Variants in SANBR observed in about 807,000 individuals in gnomAD.
SANBR encodes the protein SANT and BTB domain regulator of CSR.
A neutral mutation model predicts 101.8 loss-of-function variants in SANBR; 77 were observed. The ratio of observed to expected loss-of-function variants is 0.76; its 90% confidence interval spans 0.63 to 0.91. SANBR has a LOEUF of 0.91. Among genes scored for constraint, SANBR ranks in the 40% least tolerant of loss-of-function variants. The pLI is 0.00. For synonymous variants in SANBR, 279 were observed against 274.7 expected, an observed-to-expected ratio of 1.02 and a Z score of -0.15; for missense variants, 875 against 853.0, an observed-to-expected ratio of 1.03 and a Z score of -0.32.
chr2:61,111,605 A>G (rs1157243500), intron 16 of SANBR, among the ~76,000 whole-genome samples: 1 of 152,240 alleles, frequency 6.6e-6, no homozygotes, highest in Non-Finnish European at 1.5e-5. Context: ...CACCCATTTT[A>G]AGTGTACATG....
intron 5 of SANBR, among the ~76,000 whole-genome samples, chr2:61,075,741 T>G (rs1681729778): frequency 6.6e-6 from 1 of 151,802 alleles, no homozygotes; most frequent in South Asian, 2.1e-4. Context: ...TTTATGTATG[T>G]GAATGCCTAG....
At chr2:61,132,887 C>T (rs192315994) in intron 20 of SANBR, among the ~76,000 whole-genome samples, 19 of 152,300 alleles carry the variant, frequency 1.2e-4, no homozygotes, top group Admixed American at 7.8e-4. Flanking sequence ...AAAGATCACA[C>T]GCTGCATGAC....
chr2:61,113,625 A>G (rs564012277), intron 16 of SANBR, among the ~76,000 whole-genome samples: 1 of 152,210 alleles, frequency 6.6e-6, no homozygotes, highest in African/African-American at 2.4e-5. Flanking sequence ...GGTAATACTA[A>G]TGATGGTCAA....
chr2:61,089,230 G>C (rs1258557106), intron 10 of SANBR: 1 of 982,178 alleles, frequency 1.0e-6, no homozygotes, highest in Non-Finnish European at 1.2e-6. Context: ...TAATATGTAG[G>C]CCGGGCACGG....
At chr2:61,128,365 G>A (rs1684578499), downstream of SANBR, among the ~76,000 whole-genome samples, 1 of 151,234 alleles carries the variant, frequency 6.6e-6, no homozygotes, top group African/African-American at 2.4e-5. Flanking sequence ...AGAAGGCAGT[G>A]GATAACAGCC....
At chr2:61,136,901 C>T (rs895480230) in intron 21 of SANBR, among the ~76,000 whole-genome samples, 4 of 150,668 alleles carry the variant, frequency 2.7e-5, no homozygotes, top group Non-Finnish European at 5.9e-5. Flanking sequence ...ACTTGGGAGG[C>T]GAAGGTTGCA....
chr2:61,112,182 T>C (rs1442325717), intron 16 of SANBR, among the ~76,000 whole-genome samples: 1 of 152,258 alleles, frequency 6.6e-6, no homozygotes, highest in Non-Finnish European at 1.5e-5. Context: ...GTCCCACCAC[T>C]GTGCATTCCC....
At chr2:61,116,997 C>T in intron 17 of SANBR, 1 of 237,222 alleles carries the variant, frequency 4.2e-6, no homozygotes, top group Non-Finnish European at 8.3e-6. Context: ...GTCGAGGCTG[C>T]AGTGAGCTAT....
chr2:61,104,029 A>G, intron 13 of SANBR, 31 bp downstream of exon 13: 1 of 1,596,534 alleles, frequency 6.3e-7, no homozygotes, highest in East Asian at 2.2e-5. Flanking sequence ...ACACTGTATT[A>G]TAGCTTTATT....
chr2:61,101,476 G>T (rs145074607), intron 12 of SANBR, among the ~76,000 whole-genome samples: 1 of 152,234 alleles, frequency 6.6e-6, no homozygotes, highest in Non-Finnish European at 1.5e-5. Flanking sequence ...GCTCACGCCT[G>T]TAATCCCAGC....
At chr2:61,091,386 G>C (rs924566786) in intron 10 of SANBR, among the ~76,000 whole-genome samples, 9 of 151,948 alleles carry the variant, frequency 5.9e-5, no homozygotes, top group Non-Finnish European at 1.2e-4. Flanking sequence ...GAGGTCAAGA[G>C]TTCGGGAAAA....
At position 61,123,573 on chromosome 2, in the gene SANBR, G is replaced by T; in HGVS notation, c.*1411G>T. The T allele has an allele frequency of 1.0e-6, 1 of 973,752 alleles. No individual in the cohort carries two copies. The highest frequency in any genetic ancestry group is 1.8e-5 in the African/African-American group (1 of 57,102). The allele number at this position is 973,752 out of a possible 1,614,324, so 60.3% of individuals were successfully genotyped here. The stretch of plus-strand genomic sequence containing the variant: ...AGTACATATTATATGTAAGTACTCT[G>T]TTAAATACCAGAGTTTTTTTTGTAG... On this transcript the variant is annotated 3_prime_UTR_variant, in exon 22 of 22. Transcript: ENST00000402291.
intron 21 of SANBR, among the ~76,000 whole-genome samples, chr2:61,136,888 T>C (rs774249057): frequency 1.1e-4 from 16 of 151,024 alleles, no homozygotes; most frequent in Non-Finnish European, 2.4e-4. Context: ...GAGAATTGCT[T>C]GAACTTGGGA....
At chr2:61,097,026 C>T (rs949925867) in intron 11 of SANBR, among the ~76,000 whole-genome samples, 16 of 152,030 alleles carry the variant, frequency 1.1e-4, no homozygotes, top group African/African-American at 3.6e-4. Flanking sequence ...TGGTTGTGCG[C>T]GCCTGTAATC....
chr2:61,104,092 C>A, intron 13 of SANBR, 94 bp downstream of exon 13: 2 of 1,098,130 alleles, frequency 1.8e-6, no homozygotes, highest in South Asian at 1.5e-5. Context: ...CGTCAGTCCT[C>A]AAGTAGTTTT....
intron 19 of SANBR, 129 bp downstream of exon 19, chr2:61,117,669 T>C: frequency 1.3e-6 from 1 of 761,302 alleles, no homozygotes; most frequent in Admixed American, 2.5e-5. Flanking sequence ...AATTTGCATA[T>C]TCCCTTAGGC....
chr2:61,103,353 G>C (rs1318445196), intron 12 of SANBR, among the ~76,000 whole-genome samples: 1 of 151,966 alleles, frequency 6.6e-6, no homozygotes, highest in Non-Finnish European at 1.5e-5. Flanking sequence ...TGTCCAGGCT[G>C]ATCTCAAACT....
chr2:61,109,531 G>A (rs915317941), intron 16 of SANBR, among the ~76,000 whole-genome samples: 5 of 152,036 alleles, frequency 3.3e-5, no homozygotes, highest in Admixed American at 2.0e-4. Flanking sequence ...TTCACTTCAG[G>A]TGCAACTAAA....
intron 20 of SANBR, among the ~76,000 whole-genome samples, chr2:61,132,097 G>A (rs957341299): frequency 2.0e-5 from 3 of 149,174 alleles, no homozygotes; most frequent in South Asian, 2.1e-4. Flanking sequence ...GTAAATCTTC[G>A]TGACCTTGGA....
Sources: gnomAD v4.1 joint callset for allele counts (sites outside exome capture counted in the v4.1 genomes callset) on GRCh38, gnomAD v4.1.1 for gene constraint, MANE v1.5 for transcripts, NCBI Gene and HGNC (gene_info 2026-07-23, HGNC 2026-07-21) for gene names.